NIBAN3: variants seen among roughly 807,000 people sequenced by gnomAD.
NIBAN3 encodes niban apoptosis regulator 3.
Under a neutral mutation model 76.4 loss-of-function variants are expected in NIBAN3, and 66 were observed. The ratio of observed to expected loss-of-function variants is 0.86; its 90% confidence interval spans 0.71 to 1.06. NIBAN3 has a LOEUF of 1.06. NIBAN3 is among the 50% of genes least tolerant of loss of function. The pLI is 0.00. For synonymous variants in NIBAN3, 360 were observed against 355.2 expected (o/e 1.01, Z -0.15); for missense variants, 808 against 810.7 (o/e 1.00, Z 0.04).
intron 1 of NIBAN3, among the ~76,000 whole-genome samples, chr19:17,530,531 C>CAAA (rs558680407): frequency 4.3e-5 from 2 of 46,350 alleles, no homozygotes; most frequent in African/African-American, 6.6e-5. Flanking sequence ...GACTCCATCT[C>CAAA]AAAAAAAAAA....
intron 2 of NIBAN3, 29 bp downstream of exon 2, chr19:17,530,914 G>A (rs748890037): frequency 3.7e-6 from 6 of 1,607,622 alleles, no homozygotes; most frequent in Non-Finnish European, 5.1e-6. Flanking sequence ...GAGGACGTTT[G>A]AGTGTTAGGG....
At chr19:17,532,663 C>T (rs761823132) in intron 3 of NIBAN3, among the ~76,000 whole-genome samples, 33 of 152,196 alleles carry the variant, frequency 2.2e-4, no homozygotes, top group Non-Finnish European at 4.3e-4. Flanking sequence ...GCAAGTCACA[C>T]CTCTGGCCGC....
intron 14 of NIBAN3, among the ~76,000 whole-genome samples, chr19:17,550,217 T>C (rs1012804157): frequency 8.5e-5 from 13 of 152,146 alleles, no homozygotes; most frequent in Non-Finnish European, 1.9e-4. Flanking sequence ...ACAGGGGCCT[T>C]AGGTTTACCA....
At chr19:17,544,629 G>T (rs1163195291) in intron 12 of NIBAN3, among the ~76,000 whole-genome samples, 1 of 152,248 alleles carries the variant, frequency 6.6e-6, no homozygotes, top group Non-Finnish European at 1.5e-5. Context: ...GACCATGCCT[G>T]GTGTGTTGGA....
chr19:17,526,884 C>T (rs1312407457), upstream of NIBAN3, among the ~76,000 whole-genome samples: 2 of 152,186 alleles, frequency 1.3e-5, no homozygotes, highest in East Asian at 3.9e-4. Context: ...CCTGGGGACT[C>T]CTAGGAGCTG....
At chr19:17,539,974 A>G (rs1044948099) in intron 8 of NIBAN3, among the ~76,000 whole-genome samples, 38 of 150,322 alleles carry the variant, frequency 2.5e-4, no homozygotes, top group African/African-American at 9.1e-4. Flanking sequence ...TGGTCGAGGC[A>G]CTGGGGGCGG....
At chr19:17,523,330 C>T (rs150025276), upstream of NIBAN3, 394 of 1,022,106 alleles carry the variant, frequency 3.9e-4, 4 homozygotes, top group South Asian at 5.7e-3. Context: ...TTGAAACCTG[C>T]GCAGAGGCGG....
In NIBAN3 at chr19:17,539,678, G is replaced by T; in HGVS notation, c.892G>T (p.Glu298Ter). 6.4e-7 allele frequency: 1 copy of T among 1,557,956 alleles called. No individual in the cohort carries two copies. The highest frequency in any genetic ancestry group is 8.7e-7 in the Non-Finnish European group (1 of 1,151,298). ...CTGCGCCTTCCAGCCCGAAAAGGAC[G>T]AGCTGCTTGCGTCGCTGGAGAAGAC... ...GLCAFQPEKD[E>*]LLASLEKTIR... The change falls in exon 8 of 15, where the codon GAG (glutamate) becomes TAG (stop). Residue 298 changes from glutamate to a stop codon, truncating the protein, a stop_gained. Coordinates refer to ENST00000599164, the MANE Select transcript of NIBAN3 (RefSeq NM_001321827.2). LOFTEE classifies it high-confidence loss of function.
intron 4 of NIBAN3, among the ~76,000 whole-genome samples, chr19:17,534,853 G>A (rs1433972554): frequency 6.6e-6 from 1 of 151,732 alleles, no homozygotes; most frequent in African/African-American, 2.4e-5. Context: ...TTCCAGGCAT[G>A]TGCCTGGCAA....
chr19:17,534,811 A>C (rs2075797152), intron 4 of NIBAN3, among the ~76,000 whole-genome samples: 1 of 151,888 alleles, frequency 6.6e-6, no homozygotes, highest in Non-Finnish European at 1.5e-5. Context: ...AAAAAAAGAA[A>C]AGAAAAGAAA....
chr19:17,537,314 T>A (rs1315982467), intron 4 of NIBAN3, 62 bp from the exon 5 acceptor site: 1 of 1,529,818 alleles, frequency 6.5e-7, no homozygotes, highest in African/African-American at 1.4e-5. Context: ...TGTATGCATT[T>A]CAGGGGTATT....
At chr19:17,539,097 C>A in intron 5 of NIBAN3, 53 bp from the exon 6 acceptor site, 1 of 1,478,382 alleles carries the variant, frequency 6.8e-7, no homozygotes. Context: ...CCCGGGCCAT[C>A]GGGAGCCAGG....
At chr19:17,547,350 CTTTT>C (rs1161818189) in intron 13 of NIBAN3, among the ~76,000 whole-genome samples, 2 of 62,702 alleles carry the variant, frequency 3.2e-5, no homozygotes, top group South Asian at 1.8e-3. Flanking sequence ...GAGACTATGT[CTTTT>C]TTTTTTTTTT....
upstream of NIBAN3, among the ~76,000 whole-genome samples, chr19:17,525,335 CTTCATTCATTCA>C (rs71336621): frequency 5.2e-4 from 79 of 150,990 alleles, no homozygotes; most frequent in East Asian, 0.011. Context: ...CCGTCCCTCC[CTTCATTCATTCA>C]TTCATTCATT....
rs1002147799 is a variant in NIBAN3, at chr19:17,553,260, A to T, written c.*1362A>T. ...GAACGCTTTGTGATACAGGTTACAG[A>T]TTTTGGGGTTTTTTTCTCCGCTTGC... On this transcript the variant is annotated 3_prime_UTR_variant, in exon 15 of 15. Transcript: ENST00000599164. The T allele has an allele frequency of 2.5e-6, 4 of 1,595,088 alleles. No individual in the cohort carries two copies. The highest frequency in any genetic ancestry group is 3.4e-6 in the Non-Finnish European group (4 of 1,170,352).
At position 17,546,721 on chromosome 19, in the gene NIBAN3, G is replaced by C. The variant is rs2076061734; in HGVS notation, c.1590G>C (p.Val530=). 6.2e-7 allele frequency: 1 copy of C among 1,600,704 alleles called. No homozygotes were observed. Among genetic ancestry groups the C allele is most frequent in the Admixed American group, 1.7e-5 (1 of 57,418 alleles). ...LPEFEGDVLA[V]GSQALTTEGI... ...AGTTCGAGGGGGATGTCCTTGCCGT[G>C]GGCAGCCAGGCTCTGACCACTGAGG... The change falls in exon 13 of 15, where the codon GTG becomes GTC. Residue 530 remains valine (V), a synonymous_variant. Coordinates refer to ENST00000599164, the MANE Select transcript of NIBAN3 (RefSeq NM_001321827.2).
In NIBAN3 at chr19:17,552,578, C is replaced by T. The variant is rs2076173332; in HGVS notation, c.*680C>T. 1 of 152,120 alleles carries T rather than the reference C, an allele frequency of 6.6e-6. No homozygotes were observed. The highest frequency in any genetic ancestry group is 1.5e-5 in the Non-Finnish European group (1 of 68,022). 9.4% of individuals were successfully genotyped at this position (152,120 alleles called of 1,614,324 possible). A position where few individuals can be genotyped will look rare whatever the true frequency, so the allele number is the denominator to read the frequency against. The stretch of plus-strand genomic sequence containing the variant: ...AAAGAAAAAAGCTATGCCAGTTAGA[C>T]ACACACAGAAATCTCATGATTTTAT... On this transcript the variant is annotated 3_prime_UTR_variant, in exon 15 of 15. Transcript: ENST00000599164.
intron 12 of NIBAN3, 30 bp downstream of exon 12, chr19:17,543,661 C>T: frequency 6.4e-7 from 1 of 1,560,048 alleles, no homozygotes; most frequent in Non-Finnish European, 8.8e-7. Context: ...GCAAGAGGGT[C>T]TGACAGCATC....
At chr19:17,547,423 T>C (rs1364525751) in intron 13 of NIBAN3, among the ~76,000 whole-genome samples, 2 of 130,572 alleles carry the variant, frequency 1.5e-5, no homozygotes, top group Admixed American at 1.6e-4. Flanking sequence ...GGAACGATCT[T>C]GGCTCACTGC....
Sources: allele counts gnomAD v4.1 joint callset (sites outside exome capture counted in the v4.1 genomes callset), GRCh38; gene constraint gnomAD v4.1.1; transcripts MANE v1.5; gene names NCBI Gene and HGNC (gene_info 2026-07-23, HGNC 2026-07-21).